Variants in ZBTB20 observed in about 807,000 individuals in gnomAD.
ZBTB20 encodes the protein zinc finger and BTB domain-containing protein 20.
A neutral mutation model predicts 56.9 loss-of-function variants in ZBTB20; 9 were observed. The observed-to-expected ratio is 0.16, with a 90% CI of 0.10 to 0.28. The LOEUF (loss-of-function observed/expected upper bound fraction) is 0.28. Ranked by LOEUF, ZBTB20 falls within the 10% of genes least tolerant of loss-of-function variation. The pLI is 1.00. For synonymous variants in ZBTB20, 417 were observed against 420.7 expected, an observed-to-expected ratio of 0.99 and a Z score of 0.11; for missense variants, 655 against 1,003.0, an observed-to-expected ratio of 0.65 and a Z score of 4.69.
At chr3:114,857,064 C>A (rs892260782) in intron 4 of ZBTB20, among the ~76,000 whole-genome samples, 1 of 152,138 alleles carries the variant, frequency 6.6e-6, no homozygotes, top group Non-Finnish European at 1.5e-5. Context: ...GTTTCACATT[C>A]CACTTCCTGA....
chr3:114,867,557 T>G (rs1287749278), intron 4 of ZBTB20, among the ~76,000 whole-genome samples: 2 of 152,066 alleles, frequency 1.3e-5, no homozygotes, highest in African/African-American at 4.8e-5. Context: ...TGACTCAGCC[T>G]CCTGAGTAGC....
chr3:114,915,863 T>C (rs1401099838), intron 3 of ZBTB20, among the ~76,000 whole-genome samples: 2 of 152,064 alleles, frequency 1.3e-5, no homozygotes, highest in Non-Finnish European at 2.9e-5. Flanking sequence ...TGTGTCTGTA[T>C]AGTTTCCACA....
intron 4 of ZBTB20, among the ~76,000 whole-genome samples, chr3:114,839,478 A>G (rs1020991061): frequency 1.3e-5 from 2 of 149,996 alleles, no homozygotes; most frequent in African/African-American, 4.9e-5. Context: ...AGAGAGAGAA[A>G]GAAAGAGAAA....
At chr3:115,131,237 C>T (rs2084496925) in intron 1 of ZBTB20, among the ~76,000 whole-genome samples, 2 of 152,100 alleles carry the variant, frequency 1.3e-5, no homozygotes, top group African/African-American at 4.8e-5. Flanking sequence ...ACTTAGTATG[C>T]ATCCTGCTAC....
At chr3:114,632,926 G>A (rs1189888673) in intron 6 of ZBTB20, among the ~76,000 whole-genome samples, 3 of 152,166 alleles carry the variant, frequency 2.0e-5, no homozygotes, top group African/African-American at 7.2e-5. Flanking sequence ...GTGCGCACCT[G>A]TTTAAACATT....
chr3:114,730,206 G>T (rs1578574276), intron 5 of ZBTB20, among the ~76,000 whole-genome samples: 1 of 135,952 alleles, frequency 7.4e-6, no homozygotes, highest in Non-Finnish European at 1.7e-5. Flanking sequence ...TTGCAATTTT[G>T]TGTGTGTGTG....
At chr3:114,786,496 A>G (rs1484066111) in intron 5 of ZBTB20, among the ~76,000 whole-genome samples, 1 of 152,190 alleles carries the variant, frequency 6.6e-6, no homozygotes, top group African/African-American at 2.4e-5. Context: ...AAGGAATTTC[A>G]GAAAAACTAA....
intron 6 of ZBTB20, among the ~76,000 whole-genome samples, chr3:114,622,271 T>TA (rs1043271663): frequency 3.9e-5 from 6 of 152,162 alleles, no homozygotes; most frequent in African/African-American, 1.2e-4. Context: ...TTACATTTTT[T>TA]ATAACGTATT....
rs2079505360 is a variant in ZBTB20 at position 114,337,671 on chromosome 3, T to C, written c.*1334A>G. ...GGCCCTCATCAACCCAGGCAATACTTAAAATAATAAAAATTAAGAAAAATT... is the reference window on the plus strand; with the variant it reads ...GGCCCTCATCAACCCAGGCAATACTCAAAATAATAAAAATTAAGAAAAATT... On this transcript the variant is annotated 3_prime_UTR_variant, in exon 12 of 12. Transcript: ENST00000675478. The C allele has an allele frequency of 6.6e-6, 1 of 152,198 alleles. No individual in the cohort carries two copies. The highest frequency in any genetic ancestry group is 2.4e-5 in the African/African-American group (1 of 41,542). 9.4% of individuals were successfully genotyped at this position (152,198 alleles called of 1,614,324 possible).
intron 6 of ZBTB20, among the ~76,000 whole-genome samples, chr3:114,646,550 A>T (rs928934929): frequency 6.6e-5 from 10 of 152,158 alleles, no homozygotes; most frequent in African/African-American, 2.4e-4. Context: ...AAATAAGCCA[A>T]AAAAAATCTC....
At chr3:114,828,015 C>T (rs142098188) in intron 4 of ZBTB20, among the ~76,000 whole-genome samples, 135 of 151,754 alleles carry the variant, frequency 8.9e-4, no homozygotes, top group Admixed American at 2.4e-3. Flanking sequence ...CTTCCTAATA[C>T]ATCAAAGTAA....
At chr3:115,039,234 G>C (rs2081048104) in intron 2 of ZBTB20, among the ~76,000 whole-genome samples, 1 of 151,962 alleles carries the variant, frequency 6.6e-6, no homozygotes, top group Admixed American at 6.6e-5. Context: ...CCTAAGAAGG[G>C]GGAAGAGGAA....
chr3:114,766,261 T>A (rs1480375973), intron 5 of ZBTB20, among the ~76,000 whole-genome samples: 1 of 151,990 alleles, frequency 6.6e-6, no homozygotes, highest in Non-Finnish European at 1.5e-5. Context: ...GGCTAGCTGG[T>A]ATTGAGAGTG....
chr3:115,138,526 A>G (rs996270925), intron 1 of ZBTB20, among the ~76,000 whole-genome samples: 1 of 152,094 alleles, frequency 6.6e-6, no homozygotes, highest in Non-Finnish European at 1.5e-5. Flanking sequence ...CACTGAGTTA[A>G]AATCGTCCCA....
chr3:115,032,099 A>G (rs1442228751), intron 2 of ZBTB20, among the ~76,000 whole-genome samples: 1 of 151,480 alleles, frequency 6.6e-6, no homozygotes, highest in Non-Finnish European at 1.5e-5. Context: ...GACTTCTTAG[A>G]TTTATCTGGT....
chr3:114,624,536 C>T (rs750345988), intron 6 of ZBTB20, among the ~76,000 whole-genome samples: 1 of 152,114 alleles, frequency 6.6e-6, no homozygotes, highest in African/African-American at 2.4e-5. Flanking sequence ...AAGATTTCAT[C>T]CCCTTGAATT....
intron 5 of ZBTB20, among the ~76,000 whole-genome samples, chr3:114,745,685 T>C (rs1252902295): frequency 6.6e-6 from 1 of 152,130 alleles, no homozygotes; most frequent in African/African-American, 2.4e-5. Context: ...ACATAAACTG[T>C]TTCAAAGAAA....
At chr3:115,035,106 C>G (rs549697647) in intron 2 of ZBTB20, among the ~76,000 whole-genome samples, 7 of 152,036 alleles carry the variant, frequency 4.6e-5, no homozygotes, top group Admixed American at 4.6e-4. Flanking sequence ...AGATCTAAAA[C>G]TATAAAACTC....
chr3:114,354,607 A>T (rs558394922), intron 10 of ZBTB20, among the ~76,000 whole-genome samples: 26 of 121,936 alleles, frequency 2.1e-4, no homozygotes, highest in Admixed American at 1.2e-3. Context: ...TTTTTGACAG[A>T]GTCTTGCTCT....
Sources: allele counts gnomAD v4.1 joint callset (sites outside exome capture counted in the v4.1 genomes callset), GRCh38; gene constraint gnomAD v4.1.1; transcripts MANE v1.5; gene names NCBI Gene and HGNC (gene_info 2026-07-23, HGNC 2026-07-21).